LILRA2: variants seen among roughly 807,000 people sequenced by gnomAD.
The protein encoded by LILRA2 is leukocyte immunoglobulin-like receptor subfamily A member 2.
LILRA2 carries 45 observed loss-of-function variants against 47.9 expected under a neutral mutation model. That is an observed-to-expected ratio of 0.94 (90% CI 0.74 to 1.20). The LOEUF (loss-of-function observed/expected upper bound fraction) is 1.20. Among genes scored for constraint, LILRA2 ranks in the 50% most tolerant of loss-of-function variants. The pLI is 0.00. For synonymous variants in LILRA2, 279 were observed against 249.2 expected, an observed-to-expected ratio of 1.12 and a Z score of -1.13; for missense variants, 651 against 598.2, an observed-to-expected ratio of 1.09 and a Z score of -0.92.
rs751760870 is a variant in LILRA2 at position 54,587,968 on chromosome 19, A to G, written c.*622A>G. The G allele has an allele frequency of 6.0e-4, 92 of 153,106 alleles. No homozygotes were observed. The highest frequency in any genetic ancestry group is 6.8e-3 in the Middle Eastern group (2 of 292). 9.5% of individuals were successfully genotyped at this position (153,106 alleles called of 1,614,324 possible). ...ACACCACAGCTATGCTGATTCAGAA[A>G]AAGACATCTCTAAAATACTGTAATT... On this transcript the variant is annotated 3_prime_UTR_variant, in exon 8 of 8. Coordinates refer to ENST00000391738, the MANE Select transcript of LILRA2 (RefSeq NM_001130917.3).
At position 54,587,842 on chromosome 19, in the gene LILRA2, C is replaced by G. The variant is rs187345912; in HGVS notation, c.*496C>G. The G allele has an allele frequency of 6.2e-6, 1 of 162,562 alleles. No homozygotes were observed. Among genetic ancestry groups the G allele is most frequent in the Non-Finnish European group, 1.4e-5 (1 of 73,628 alleles). The allele number at this position is 162,562 out of a possible 1,614,324, so 10.1% of individuals were successfully genotyped here. A position where few individuals can be genotyped will look rare whatever the true frequency, so the allele number is the denominator to read the frequency against. ...AAATCCACCCTGCTGCCCTGACACC[C>G]TCTCTGTACCTTATGAGCCCTTCCC... On this transcript the variant is annotated 3_prime_UTR_variant, in exon 8 of 8. Transcript: ENST00000391738.
chr19:54,587,050 C>T lies in LILRA2; in HGVS notation c.1296C>T (p.Asp432=). ...ETLSPSQNKT[D]STTTSLGQHP... is the part of the protein sequence containing the mutation. The stretch of plus-strand genomic sequence containing the variant: ...TCAGCCCATCACAAAACAAGACAGA[C>T]TCCACGACTAGTGAGTGAGGAGATG... The change falls in exon 7 of 8, where the codon GAC becomes GAT. Residue 432 remains aspartate, a synonymous_variant. Coordinates refer to ENST00000391738, the MANE Select transcript of LILRA2 (RefSeq NM_001130917.3). 5 of 1,613,726 alleles carry T rather than the reference C, an allele frequency of 3.1e-6. No individual in the cohort carries two copies. The highest frequency in any genetic ancestry group is 3.4e-6 in the Non-Finnish European group (4 of 1,179,740).
At position 54,574,938 on chromosome 19, in the gene LILRA2, C is replaced by T. The variant is rs74454618; in HGVS notation, c.560C>T (p.Pro187Leu). The T allele has an allele frequency of 9.1e-5, 147 of 1,614,276 alleles. No individual in the cohort carries two copies. The East Asian group carries it at 1.2e-3, about 13-fold the overall frequency. ...ATCTTCTCCGTGGGCCCCGTGAGCC[C>T]GAGTCGCAGGTGGTCGTACAGGTGC... ...WAIFSVGPVS[P>L]SRRWSYRCYA... Residue 187 changes from proline to leucine, a missense_variant, in exon 4 of 8, where the codon CCG (proline) becomes CTG (leucine). Transcript: ENST00000391738.
At chr19:54,582,008 C>G (rs144951396) in intron 6 of LILRA2, among the ~76,000 whole-genome samples, 271 of 152,204 alleles carry the variant, frequency 1.8e-3, no homozygotes, top group South Asian at 6.0e-3. Flanking sequence ...TTGTCAAAGG[C>G]CCTTTCTGCA....
At chr19:54,580,084 T>C (rs2062596648) in intron 6 of LILRA2, among the ~76,000 whole-genome samples, 1 of 152,338 alleles carries the variant, frequency 6.6e-6, no homozygotes, top group East Asian at 1.9e-4. Flanking sequence ...CTTTTCCTAA[T>C]TGAATACACT....
chr19:54,583,717 CT>C (rs1354048448), intron 6 of LILRA2, among the ~76,000 whole-genome samples: 2 of 151,952 alleles, frequency 1.3e-5, no homozygotes, highest in Non-Finnish European at 2.9e-5. Flanking sequence ...GGTCTTGATT[CT>C]TTATCCAATT....
At position 54,586,679 on chromosome 19, in the gene LILRA2, G is replaced by C. The variant is rs774447634; in HGVS notation, c.1256-331G>C. Among the ~76,000 whole-genome samples, 554 of 152,232 alleles carry C rather than the reference G, an allele frequency of 3.6e-3. No individual in the cohort carries two copies. The South Asian group carries it at 0.072, about 20-fold the overall frequency. The stretch of plus-strand genomic sequence containing the variant: ...TTGCAGCCAGTTAGGGCTCAGAGAG[G>C]ACACAGAGAGCACACAAGGTCCCAG... On this transcript the variant is annotated intron_variant, in intron 6 of 7. Transcript: ENST00000391738.
At position 54,573,802 on chromosome 19, in the gene LILRA2, A is replaced by G; in HGVS notation, c.-77A>G. 6.2e-7 allele frequency: 1 copy of G among 1,611,668 alleles called. No homozygotes were observed. The highest frequency in any genetic ancestry group is 8.5e-7 in the Non-Finnish European group (1 of 1,179,068). On this transcript the variant is annotated 5_prime_UTR_variant, in exon 1 of 8. Coordinates refer to ENST00000391738, the MANE Select transcript of LILRA2 (RefSeq NM_001130917.3). ...AGAAGGATCCAGCCTCCGAGTGTCC[A>G]CACCCTGTGCGTCTCTCTGTCCTGC...
rs148470762 is a variant in LILRA2 at position 54,584,000 on chromosome 19, G to A, written c.1256-3010G>A. The stretch of plus-strand genomic sequence containing the variant: ...AAAATCTCTCAGCATTTGCTTGGCT[G>A]TAAAGGATTTTATTTCTCCTTCACT... On this transcript the variant is annotated intron_variant, in intron 6 of 7. Transcript: ENST00000391738. Among the ~76,000 whole-genome samples the A allele has an allele frequency of 1.4e-4, 22 of 152,250 alleles. No homozygotes were observed. In the East Asian group the frequency reaches 3.9e-3, roughly 27 times the overall value.
chr19:54,576,571 TGG>T (rs1229112804), intron 6 of LILRA2, among the ~76,000 whole-genome samples: 1,875 of 151,770 alleles, frequency 0.012, 1 homozygote, highest in African/African-American at 0.043. Context: ...GCGGGGAGGG[TGG>T]ACAGTAAGGG....
At chr19:54,576,330 C>T (rs547207437) in intron 6 of LILRA2, among the ~76,000 whole-genome samples, 17 of 1,624 alleles carry the variant, frequency 0.01, no homozygotes, top group African/African-American at 0.024. Flanking sequence ...GAGACGGGGG[C>T]GGGGGGGCGG....
rs532631429 is a variant in LILRA2 at position 54,588,484 on chromosome 19, T to A, written c.*1138T>A. The A allele has an allele frequency of 4.6e-5, 7 of 151,502 alleles. No individual in the cohort carries two copies. The East Asian group carries it at 1.4e-3, about 30-fold the overall frequency. 9.4% of individuals were successfully genotyped at this position (151,502 alleles called of 1,614,324 possible). Reference sequence around the variant, plus strand: ...GGCCGGGCGTGGTGGTGGGCGCCTGTAGTCCCAGCTACTCAGGAGGCTGAG... The same window carrying A: ...GGCCGGGCGTGGTGGTGGGCGCCTGAAGTCCCAGCTACTCAGGAGGCTGAG... On this transcript the variant is annotated 3_prime_UTR_variant, in exon 8 of 8. Transcript: ENST00000391738.
chr19:54,582,500 T>C (rs928569396), intron 6 of LILRA2, among the ~76,000 whole-genome samples: 7 of 152,230 alleles, frequency 4.6e-5, no homozygotes, highest in Admixed American at 3.9e-4. Context: ...TGGTTTAGTC[T>C]TGGGAGGGTG....
rs2146039482 is a variant in LILRA2 at position 54,589,783 on chromosome 19, A to T, written c.*2437A>T. 1 of 151,742 alleles carries T rather than the reference A, an allele frequency of 6.6e-6. No individual in the cohort carries two copies. Among genetic ancestry groups the T allele is most frequent in the South Asian group, 2.2e-4 (1 of 4,598 alleles). The allele number at this position is 151,742 out of a possible 1,614,324, so 9.4% of individuals were successfully genotyped here. On this transcript the variant is annotated 3_prime_UTR_variant, in exon 8 of 8. Coordinates refer to ENST00000391738, the MANE Select transcript of LILRA2 (RefSeq NM_001130917.3). ...GAGCCCCATCATGCTGTCCTAGAAG[A>T]TCCACTTAGAATTTCGGTATTTACT... is the stretch of plus-strand genomic sequence containing the variant.
chr19:54,587,883 A>T lies in LILRA2; in HGVS notation c.*537A>T, dbSNP rs924277980. On this transcript the variant is annotated 3_prime_UTR_variant, in exon 8 of 8. Transcript: ENST00000391738. ...AGCCCTTCCCTCTTTCTCAGATGCTATCTGTGTAATTTCTCCTGAAATATC... is the reference window on the plus strand; with the variant it reads ...AGCCCTTCCCTCTTTCTCAGATGCTTTCTGTGTAATTTCTCCTGAAATATC... 11 of 155,020 alleles carry T rather than the reference A, an allele frequency of 7.1e-5. No homozygotes were observed. The highest frequency in any genetic ancestry group is 2.7e-4 in the African/African-American group (11 of 41,468). The allele number at this position is 155,020 out of a possible 1,614,324, so 9.6% of individuals were successfully genotyped here. A position where few individuals can be genotyped will look rare whatever the true frequency, so the allele number is the denominator to read the frequency against.
At chr19:54,580,411 C>A (rs1220535970) in intron 6 of LILRA2, among the ~76,000 whole-genome samples, 2 of 74,412 alleles carry the variant, frequency 2.7e-5, no homozygotes, top group African/African-American at 5.7e-5. Context: ...TCCATGTGAT[C>A]TCATTGTTCA....
At position 54,575,553 on chromosome 19, in the gene LILRA2, G is replaced by A. The variant is rs1384430523; in HGVS notation, c.952+1G>A. 1.2e-6 allele frequency: 2 copies of A among 1,611,960 alleles called. No individual in the cohort carries two copies. The highest frequency in any genetic ancestry group is 2.7e-5 in the African/African-American group (2 of 74,942). Reference sequence around the variant, plus strand: ...GACCCCCTGGACATCCTGATCACAGGTGAGGAGCCCAGCGGGTTCAGTCAG... The same window carrying A: ...GACCCCCTGGACATCCTGATCACAGATGAGGAGCCCAGCGGGTTCAGTCAG... On this transcript the variant is annotated splice_donor_variant, in intron 5 of 7. Transcript: ENST00000391738. LOFTEE classifies it high-confidence loss of function.
rs112064889 is a variant in LILRA2, at chr19:54,585,391, G to A, written c.1256-1619G>A. The stretch of plus-strand genomic sequence containing the variant: ...GTTCTACTATGCCCTGCCCCCAGAA[G>A]TGGAATCTGTAGAGGCAGTAGGCCT... On this transcript the variant is annotated intron_variant, in intron 6 of 7. Transcript: ENST00000391738. Among the ~76,000 whole-genome samples the A allele has an allele frequency of 2.6e-3, 402 of 152,370 alleles. 4 individuals carry two copies. Among genetic ancestry groups the A allele is most frequent in the Non-Finnish European group, 4.4e-3 (302 of 68,030 alleles).
intron 1 of LILRA2, 40 bp downstream of exon 1, chr19:54,573,952 G>A (rs111227929): frequency 5.6e-6 from 9 of 1,613,126 alleles, no homozygotes; most frequent in African/African-American, 5.3e-5. Flanking sequence ...AACCTAGGAG[G>A]GACCTCACCC....
Sources: gnomAD v4.1 joint callset for allele counts (sites outside exome capture counted in the v4.1 genomes callset) on GRCh38, gnomAD v4.1.1 for gene constraint, MANE v1.5 for transcripts, NCBI Gene and HGNC (gene_info 2026-07-23, HGNC 2026-07-21) for gene names.